SHANK2: variants seen among roughly 807,000 people sequenced by gnomAD.
SHANK2 encodes SH3 and multiple ankyrin repeat domains 2, also known as SH3 and multiple ankyrin repeat domains protein 2.
SHANK2 carries 43 observed loss-of-function variants against 133.7 expected under a neutral mutation model. The ratio of observed to expected loss-of-function variants is 0.32; its 90% CI spans 0.25 to 0.41. The LOEUF (loss-of-function observed/expected upper bound fraction) is 0.41, where lower values mean the gene tolerates loss of function less well. Ranked by LOEUF, SHANK2 falls within the 10% of genes least tolerant of loss-of-function variation. SHANK2 has a pLI of 1.00. For synonymous variants in SHANK2, 1,017 were observed against 952.8 expected, an observed-to-expected ratio of 1.07 and a Z score of -1.24; for missense variants, 1,994 against 2,235.8, an observed-to-expected ratio of 0.89 and a Z score of 2.18.
intron 8 of SHANK2, among the ~76,000 whole-genome samples, chr11:71,085,457 AATAT>A (rs1314983942): frequency 5.8e-4 from 73 of 126,590 alleles, no homozygotes; most frequent in African/African-American, 2.2e-3. Flanking sequence ...CTCCATCTTA[AATAT>A]ATATATATAT....
intron 2 of SHANK2, among the ~76,000 whole-genome samples, chr11:71,218,248 T>C (rs1954456387): frequency 6.8e-6 from 1 of 146,192 alleles, no homozygotes; most frequent in Admixed American, 7.3e-5. Flanking sequence ...GAAATTCTTC[T>C]AATTTTCTTT....
At chr11:71,134,387 C>G (rs1362029271) in intron 3 of SHANK2, among the ~76,000 whole-genome samples, 1 of 151,664 alleles carries the variant, frequency 6.6e-6, no homozygotes, top group Non-Finnish European at 1.5e-5. Context: ...TAAAATCCAA[C>G]GACTTGCACA....
chr11:70,635,768 G>A (rs1591681510), intron 17 of SHANK2, among the ~76,000 whole-genome samples: 2 of 100,884 alleles, frequency 2.0e-5, no homozygotes, highest in Admixed American at 2.1e-4. Context: ...AAAAAAAAAA[G>A]GGGGGAGGAA....
At chr11:71,157,870 G>A (rs1449905289) in intron 2 of SHANK2, among the ~76,000 whole-genome samples, 9 of 152,128 alleles carry the variant, frequency 5.9e-5, no homozygotes, top group Middle Eastern at 3.2e-3. Flanking sequence ...CTACAGAGAA[G>A]GAAACCAATC....
intron 17 of SHANK2, among the ~76,000 whole-genome samples, chr11:70,648,323 C>A (rs900936375): frequency 6.6e-6 from 1 of 151,630 alleles, no homozygotes; most frequent in Non-Finnish European, 1.5e-5. Context: ...AAAAGACATA[C>A]CCAAGTGAAA....
At chr11:70,601,324 A>C (rs992495384) in intron 17 of SHANK2, among the ~76,000 whole-genome samples, 1 of 151,716 alleles carries the variant, frequency 6.6e-6, no homozygotes, top group Non-Finnish European at 1.5e-5. Flanking sequence ...GATTCAAGTG[A>C]TTCTCCTGCC....
At chr11:70,502,092 G>C in intron 19 of SHANK2, 114 bp downstream of exon 19, 2 of 1,331,478 alleles carry the variant, frequency 1.5e-6, no homozygotes, top group East Asian at 2.5e-5. Flanking sequence ...GGGTACAGGG[G>C]CAGGAGGGGG....
chr11:70,827,636 GTGTT>G (rs1317172967), intron 11 of SHANK2, among the ~76,000 whole-genome samples: 1 of 134,836 alleles, frequency 7.4e-6, no homozygotes, highest in African/African-American at 2.8e-5. Context: ...GTGTGTGTGT[GTGTT>G]TTTTTTTTTT....
chr11:71,070,592 G>A (rs1251010970), intron 9 of SHANK2, among the ~76,000 whole-genome samples: 1 of 152,050 alleles, frequency 6.6e-6, no homozygotes, highest in East Asian at 1.9e-4. Context: ...CCATCAATAA[G>A]ACAAATGGGG....
intron 21 of SHANK2, among the ~76,000 whole-genome samples, chr11:70,496,282 G>C (rs967985700): frequency 6.6e-6 from 1 of 152,146 alleles, no homozygotes; most frequent in Non-Finnish European, 1.5e-5. Context: ...TTCCAACTGG[G>C]CCCTTCCAGA....
intron 14 of SHANK2, among the ~76,000 whole-genome samples, chr11:70,715,987 C>T (rs782505205): frequency 6.6e-6 from 1 of 152,172 alleles, no homozygotes; most frequent in Non-Finnish European, 1.5e-5. Flanking sequence ...TCTGGAGGGG[C>T]CTCACTCTGT....
At chr11:70,642,817 C>T (rs554812540) in intron 17 of SHANK2, among the ~76,000 whole-genome samples, 4 of 152,260 alleles carry the variant, frequency 2.6e-5, no homozygotes, top group Admixed American at 1.3e-4. Flanking sequence ...CATAATTTCA[C>T]CAGCTCGTTT....
rs562624915 is a variant in SHANK2, at chr11:70,509,364, C to T, written c.2062-6433G>A. Among the ~76,000 whole-genome samples the T allele has an allele frequency of 3.3e-5, 5 of 152,364 alleles. No individual in the cohort carries two copies. In the East Asian group the frequency reaches 9.7e-4, roughly 29 times the overall value. On this transcript the variant is annotated intron_variant, in intron 17 of 25. Coordinates refer to ENST00000601538, the MANE Select transcript of SHANK2 (RefSeq NM_012309.5). ...CAGTCTTGGCTCTTGGTCCCACGAC[C>T]TCCCCCAGGGGCCCAGTGTGGGGAC... is the stretch of plus-strand genomic sequence containing the variant.
chr11:70,729,070 G>A (rs1946229344), intron 14 of SHANK2, among the ~76,000 whole-genome samples: 1 of 152,078 alleles, frequency 6.6e-6, no homozygotes, highest in South Asian at 2.1e-4. Flanking sequence ...TGGGTGTGGT[G>A]GCGGGTGCTT....
intron 2 of SHANK2, among the ~76,000 whole-genome samples, chr11:71,203,749 C>T (rs1489055902): frequency 1.3e-5 from 2 of 152,208 alleles, no homozygotes; most frequent in Admixed American, 1.3e-4. Flanking sequence ...ACACGTGTTA[C>T]AGTGGGGACC....
At chr11:71,144,940 A>G (rs1228093239) in intron 3 of SHANK2, among the ~76,000 whole-genome samples, 2 of 152,252 alleles carry the variant, frequency 1.3e-5, no homozygotes, top group African/African-American at 4.8e-5. Flanking sequence ...CTGCAGAGGG[A>G]CGTGTCGGAA....
At chr11:71,218,862 T>A (rs991574397) in intron 2 of SHANK2, among the ~76,000 whole-genome samples, 3 of 152,242 alleles carry the variant, frequency 2.0e-5, no homozygotes, top group Non-Finnish European at 4.4e-5. Flanking sequence ...CTTCCAGCAC[T>A]GCTGGAGACT....
At chr11:70,803,273 C>G (rs552609103) in intron 13 of SHANK2, among the ~76,000 whole-genome samples, 140 of 46,164 alleles carry the variant, frequency 3.0e-3, no homozygotes, top group Non-Finnish European at 5.9e-3. Context: ...ACCCACCTAT[C>G]AAACTCAACC....
At position 70,551,512 on chromosome 11, in the gene SHANK2, C is replaced by T. The variant is rs183582443; in HGVS notation, c.2062-48581G>A. On this transcript the variant is annotated intron_variant, in intron 17 of 25. Coordinates refer to ENST00000601538, the MANE Select transcript of SHANK2 (RefSeq NM_012309.5). ...CGACCGCATGCCTGTTATCTACCCC[C>T]GGCCTCGGCAGCCCCGGTGTGATGC... Among the ~76,000 whole-genome samples, 459 of 152,342 alleles carry T rather than the reference C, an allele frequency of 3.0e-3. 2 individuals carry two copies. The highest frequency in any genetic ancestry group is 0.01 in the African/African-American group (425 of 41,576).
Sources: gnomAD v4.1 joint callset for allele counts (sites outside exome capture counted in the v4.1 genomes callset) on GRCh38, gnomAD v4.1.1 for gene constraint, MANE v1.5 for transcripts, NCBI Gene and HGNC (gene_info 2026-07-23, HGNC 2026-07-21) for gene names.